Variants in ARHGAP35 observed in about 807,000 individuals in gnomAD.
The protein encoded by ARHGAP35 is rho GTPase-activating protein 35.
A neutral mutation model predicts 111.1 loss-of-function variants in ARHGAP35; 15 were observed. The observed-to-expected ratio is 0.13, with a 90% CI of 0.09 to 0.21. The LOEUF (loss-of-function observed/expected upper bound fraction) is 0.21. ARHGAP35 is among the 10% of genes least tolerant of loss of function. The pLI, the probability that ARHGAP35 is intolerant of heterozygous loss-of-function variation, is 1.00. For missense variants in ARHGAP35, 1,262 were observed against 1,873.0 expected (o/e 0.67, Z 6.02); for synonymous variants, 643 against 710.3 (o/e 0.91, Z 1.51).
intron 2 of ARHGAP35, among the ~76,000 whole-genome samples, chr19:46,930,866 T>C (rs2056268809): frequency 6.6e-6 from 1 of 152,030 alleles, no homozygotes; most frequent in Non-Finnish European, 1.5e-5. Flanking sequence ...GGAGACGACT[T>C]TGGTCCTAGT....
At chr19:46,925,470 G>T (rs964488639) in intron 2 of ARHGAP35, among the ~76,000 whole-genome samples, 2 of 152,120 alleles carry the variant, frequency 1.3e-5, no homozygotes, top group African/African-American at 4.8e-5. Flanking sequence ...TGGAGGGAGG[G>T]GGCAGCTAGG....
intron 1 of ARHGAP35, among the ~76,000 whole-genome samples, chr19:46,902,298 C>G (rs1288493896): frequency 6.6e-6 from 1 of 152,144 alleles, no homozygotes; most frequent in African/African-American, 2.4e-5. Flanking sequence ...TCTTGGCATT[C>G]TTATGGAATG....
chr19:46,982,428 G>C (rs904820993), intron 3 of ARHGAP35, among the ~76,000 whole-genome samples: 5 of 150,906 alleles, frequency 3.3e-5, no homozygotes, highest in Non-Finnish European at 7.4e-5. Flanking sequence ...AGTGAGCCGA[G>C]ATTGAGCCAC....
chr19:47,001,245 G>A lies in ARHGAP35; in HGVS notation c.*557G>A. On this transcript the variant is annotated 3_prime_UTR_variant, in exon 7 of 7. Coordinates refer to ENST00000672722, the MANE Select transcript of ARHGAP35 (RefSeq NM_004491.5). The surrounding 1 kb of genome is among the most constrained non-coding windows in gnomAD (Gnocchi z 5.4). ...CACTAGGTACCTGCTGAGGGCGCTGGCTCTGCAGATCAGAACAACGGAGGA... is the reference window on the plus strand; with the variant it reads ...CACTAGGTACCTGCTGAGGGCGCTGACTCTGCAGATCAGAACAACGGAGGA... 3 of 1,285,818 alleles carry A rather than the reference G, an allele frequency of 2.3e-6. No homozygotes were observed. The highest frequency in any genetic ancestry group is 2.5e-5 in the South Asian group (2 of 80,246). The allele number at this position is 1,285,818 out of a possible 1,614,324, so 79.7% of individuals were successfully genotyped here. A position where few individuals can be genotyped will look rare whatever the true frequency, so the allele number is the denominator to read the frequency against.
At position 46,919,999 on chromosome 19, in the gene ARHGAP35, A is replaced by G. The variant is rs1334549209; in HGVS notation, c.1324A>G (p.Thr442Ala). 1 of 1,613,826 alleles carries G rather than the reference A, an allele frequency of 6.2e-7. No homozygotes were observed. Among genetic ancestry groups the G allele is most frequent in the African/African-American group, 1.3e-5 (1 of 74,912 alleles). Residue 442 changes from threonine (T) to alanine (A), a missense_variant, in exon 2 of 7, where the codon ACT becomes GCT. Coordinates refer to ENST00000672722, the MANE Select transcript of ARHGAP35 (RefSeq NM_004491.5). This position sits in a 1 kb window ranked among gnomAD's most constrained non-coding sequence, Gnocchi z 6.2. ...AAGGGCGTTTAAAGAAAACCTGGAG[A>G]CTTCTCCTTTCATAACTCCCGGAAA... ...MRRAFKENLE[T>A]SPFITPGKPW...
Position 46,929,896 on chromosome 19 carries a change from A to C in ARHGAP35, c.3682-7368A>C, listed in dbSNP as rs552187553. ...ACCATTGCACTCCAGCCTGGGCAAC[A>C]AGAGCGAAACTCCATCTCAAAAAAA... On this transcript the variant is annotated intron_variant, in intron 2 of 6. Coordinates refer to ENST00000672722, the MANE Select transcript of ARHGAP35 (RefSeq NM_004491.5). 4.6e-5 allele frequency among the ~76,000 whole-genome samples: 7 copies of C among 151,022 alleles called. No homozygotes were observed. The South Asian group carries it at 6.3e-4, about 14-fold the overall frequency.
At chr19:46,938,898 G>T (rs760423185) in intron 3 of ARHGAP35, among the ~76,000 whole-genome samples, 1 of 151,848 alleles carries the variant, frequency 6.6e-6, no homozygotes, top group Non-Finnish European at 1.5e-5. Flanking sequence ...CTCGTGATCC[G>T]CCCACCTCAG....
chr19:46,999,553 G>A lies in ARHGAP35; in HGVS notation c.4142+144G>A, dbSNP rs2056734548. ...GGGGTGCTGGCTGGCCTCCCATGGT[G>A]CCCGCTGGTCTCGGTGCCCAGAGCC... On this transcript the variant is annotated intron_variant, in intron 6 of 6. Coordinates refer to ENST00000672722, the MANE Select transcript of ARHGAP35 (RefSeq NM_004491.5). The surrounding 1 kb of genome is among the most constrained non-coding windows in gnomAD (Gnocchi z 5.4). The A allele has an allele frequency of 1.6e-6, 1 of 608,968 alleles. No homozygotes were observed. Among genetic ancestry groups the A allele is most frequent in the Non-Finnish European group, 2.9e-6 (1 of 346,886 alleles). 37.7% of individuals were successfully genotyped at this position (608,968 alleles called of 1,614,324 possible).
chr19:46,922,264 G>T lies in ARHGAP35; in HGVS notation c.3589G>T (p.Gly1197Cys), dbSNP rs772169199. ...RKKEEDQASQGYKGDNAVIPY... is the reference protein window; with the variant it reads ...RKKEEDQASQCYKGDNAVIPY... Reference sequence around the variant, plus strand: ...GAAAGAGGAGGATCAGGCATCCCAGGGTTATAAAGGGGACAATGCTGTCAT... The same window carrying T: ...GAAAGAGGAGGATCAGGCATCCCAGTGTTATAAAGGGGACAATGCTGTCAT... The change falls in exon 2 of 7, where the codon GGT (glycine) becomes TGT (cysteine). Residue 1197 changes from glycine (G) to cysteine (C), a missense_variant. Gly to Cys is a radical substitution (Grantham distance 159, BLOSUM62 -3). Transcript: ENST00000672722. The surrounding 1 kb of genome is among the most constrained non-coding windows in gnomAD (Gnocchi z 4.0). 3.1e-6 allele frequency: 5 copies of T among 1,613,866 alleles called. No individual in the cohort carries two copies. Among genetic ancestry groups the T allele is most frequent in the Non-Finnish European group, 4.2e-6 (5 of 1,179,900 alleles).
Position 46,918,667 on chromosome 19 carries a change from G to A in ARHGAP35, c.-9G>A. ...CAGAAGTGGCTGATCGTGGCAGGATGTGTCGACGATGATGATGGCAAGAAA... is the reference window on the plus strand; with the variant it reads ...CAGAAGTGGCTGATCGTGGCAGGATATGTCGACGATGATGATGGCAAGAAA... On this transcript the variant is annotated 5_prime_UTR_variant, in exon 2 of 7. In the 5' UTR this introduces an upstream ATG that the reference lacks. Transcript: ENST00000672722. The surrounding 1 kb of genome is among the most constrained non-coding windows in gnomAD (Gnocchi z 5.4). 1.3e-5 allele frequency: 21 copies of A among 1,608,202 alleles called. No homozygotes were observed. Among genetic ancestry groups the A allele is most frequent in the Non-Finnish European group, 1.7e-5 (20 of 1,176,118 alleles).
intron 3 of ARHGAP35, among the ~76,000 whole-genome samples, chr19:46,942,615 C>T (rs1187235083): frequency 1.3e-5 from 2 of 151,842 alleles, no homozygotes; most frequent in Admixed American, 6.6e-5. Flanking sequence ...CCAGCCTGGG[C>T]GACAAAGTAA....
In ARHGAP35 at chr19:46,937,310, A is replaced by C. The variant is rs773812194; in HGVS notation, c.3728A>C (p.Glu1243Ala). ...CCATCCATCACAAAGGCAACCTGGG[A>C]GAGTAACTATTTTGGGGTGCCCTTA... is the stretch of plus-strand genomic sequence containing the variant. ...PRPSITKATW[E>A]SNYFGVPLTT... Residue 1243 changes from glutamate to alanine, a missense_variant, in exon 3 of 7, where the codon GAG becomes GCG. Physicochemically the swap from Glu to Ala is moderately radical, Grantham distance 107 (BLOSUM62 -1). Transcript: ENST00000672722. 2 of 1,613,922 alleles carry C rather than the reference A, an allele frequency of 1.2e-6. No individual in the cohort carries two copies. The highest frequency in any genetic ancestry group is 1.7e-6 in the Non-Finnish European group (2 of 1,179,838).
chr19:46,957,280 T>G (rs1352935441), intron 3 of ARHGAP35, among the ~76,000 whole-genome samples: 3 of 151,628 alleles, frequency 2.0e-5, no homozygotes, highest in Non-Finnish European at 2.9e-5. Flanking sequence ...TTTCTAACAC[T>G]GCTATTCAAA....
At chr19:46,966,152 G>A (rs2056514059) in intron 3 of ARHGAP35, among the ~76,000 whole-genome samples, 1 of 151,892 alleles carries the variant, frequency 6.6e-6, no homozygotes, top group African/African-American at 2.4e-5. Flanking sequence ...AGATATTTTT[G>A]GTATTTTTTT....
In ARHGAP35 at chr19:46,988,513, A is replaced by T. The variant is rs1464335202; in HGVS notation, c.3904+447A>T. ...GAAAGTGAGGGACCATCGTGTGAGG[A>T]GCTGAGCCCTTGGGACAGAGACCCA... On this transcript the variant is annotated intron_variant, in intron 4 of 6. Transcript: ENST00000672722. This position sits in a 1 kb window ranked among gnomAD's most constrained non-coding sequence, Gnocchi z 5.4. The T allele has an allele frequency of 5.8e-6, 1 of 172,250 alleles. No individual in the cohort carries two copies. Among genetic ancestry groups the T allele is most frequent in the African/African-American group, 2.4e-5 (1 of 41,926 alleles). 10.7% of individuals were successfully genotyped at this position (172,250 alleles called of 1,614,324 possible).
chr19:46,874,300 A>G (rs2055904050), intron 1 of ARHGAP35, among the ~76,000 whole-genome samples: 1 of 152,132 alleles, frequency 6.6e-6, no homozygotes, highest in Admixed American at 6.5e-5. Context: ...AGGTAACACA[A>G]GGAACACACT....
At chr19:46,924,696 T>A (rs991826265) in intron 2 of ARHGAP35, among the ~76,000 whole-genome samples, 2 of 152,170 alleles carry the variant, frequency 1.3e-5, no homozygotes, top group African/African-American at 4.8e-5. Flanking sequence ...AATCCAAACA[T>A]TTTGAACATT....
At chr19:46,923,700 C>T (rs1389509148) in intron 2 of ARHGAP35, among the ~76,000 whole-genome samples, 2 of 151,752 alleles carry the variant, frequency 1.3e-5, no homozygotes, top group Admixed American at 6.6e-5. Flanking sequence ...GGGTGGATCT[C>T]TTGAGGTCAG....
intron 1 of ARHGAP35, among the ~76,000 whole-genome samples, chr19:46,888,956 C>T (rs1238398887): frequency 3.3e-5 from 5 of 151,582 alleles, no homozygotes; most frequent in East Asian, 3.9e-4. Flanking sequence ...GCCAAGATCA[C>T]GCCACTGCAC....
Sources: gnomAD v4.1 joint callset for allele counts (sites outside exome capture counted in the v4.1 genomes callset) on GRCh38, gnomAD v4.1.1 for gene constraint, Gnocchi (gnomAD v3.1) non-coding constraint, MANE v1.5 for transcripts, NCBI Gene and HGNC (gene_info 2026-07-23, HGNC 2026-07-21) for gene names.